Variants in DNAJC13 observed in about 807,000 individuals in gnomAD.
DNAJC13 encodes DnaJ heat shock protein family (Hsp40) member C13.
Under a neutral mutation model 290.5 loss-of-function variants are expected in DNAJC13, and 75 were observed. That is an observed-to-expected ratio of 0.26 (90% confidence interval 0.21 to 0.31). DNAJC13 has a LOEUF of 0.31. DNAJC13 is among the 10% of genes least tolerant of loss of function. DNAJC13 has a pLI of 1.00. For synonymous variants in DNAJC13, 862 were observed against 892.0 expected (o/e 0.97, Z 0.60); for missense variants, 2,260 against 2,674.5 (o/e 0.85, Z 3.42).
Position 132,503,124 on chromosome 3 carries a change from A to G in DNAJC13, c.4717-90A>G, listed in dbSNP as rs187123929. The G allele has an allele frequency of 2.7e-3, 3,697 of 1,363,434 alleles. 9 individuals are homozygous for G. Among genetic ancestry groups the G allele is most frequent in the Non-Finnish European group, 3.5e-3 (3,484 of 1,003,820 alleles). The allele number at this position is 1,363,434 out of a possible 1,614,324, so 84.5% of individuals were successfully genotyped here. A position where few individuals can be genotyped will look rare whatever the true frequency, so the allele number is the denominator to read the frequency against. ...TTGGTTGACTTTTTACTCCTTAAAT[A>G]TGTTCCATATAGTGTGATTCTGTAA... On this transcript the variant is annotated intron_variant, in intron 40 of 55. Coordinates refer to ENST00000260818, the MANE Select transcript of DNAJC13 (RefSeq NM_015268.4).
Position 132,515,607 on chromosome 3 carries a change from G to A in DNAJC13, c.5486-815G>A, listed in dbSNP as rs142879565. Among the ~76,000 whole-genome samples, 1,072 of 152,138 alleles carry A rather than the reference G, an allele frequency of 7.0e-3. 10 individuals are homozygous for A. Among genetic ancestry groups the A allele is most frequent in the African/African-American group, 0.024 (1,013 of 41,516 alleles). On this transcript the variant is annotated intron_variant, in intron 46 of 55. Coordinates refer to ENST00000260818, the MANE Select transcript of DNAJC13 (RefSeq NM_015268.4). ...CTTCAAACAATGTAAAACTAAACTG[G>A]TTGGTGAAGTAAAGGATGTTATGGA...
intron 5 of DNAJC13, among the ~76,000 whole-genome samples, chr3:132,449,871 T>A (rs564983010): frequency 6.6e-6 from 1 of 152,196 alleles, no homozygotes. Context: ...GTTATCCTTA[T>A]TTTCTCTTTG....
intron 22 of DNAJC13, among the ~76,000 whole-genome samples, chr3:132,477,388 TG>T (rs1434758458): frequency 6.6e-6 from 1 of 152,210 alleles, no homozygotes; most frequent in African/African-American, 2.4e-5. Flanking sequence ...AAAAGGTAGT[TG>T]ATGTGTTGGT....
intron 36 of DNAJC13, 41 bp from the exon 37 acceptor site, chr3:132,499,085 T>C: frequency 6.7e-7 from 1 of 1,482,888 alleles, no homozygotes; most frequent in Non-Finnish European, 9.1e-7. Context: ...ACATAATCAA[T>C]TTTGTTTTGT....
In DNAJC13 at chr3:132,505,391, C is replaced by T. The variant is rs1487661632; in HGVS notation, c.4974C>T (p.Ser1658=). 2 of 1,597,730 alleles carry T rather than the reference C, an allele frequency of 1.3e-6. No individual in the cohort carries two copies. Among genetic ancestry groups the T allele is most frequent in the Non-Finnish European group, 1.7e-6 (2 of 1,167,694 alleles). Residue 1658 remains serine (S), a synonymous_variant, in exon 42 of 56, where the codon TCC becomes TCT. Coordinates refer to ENST00000260818, the MANE Select transcript of DNAJC13 (RefSeq NM_015268.4). ...CAGAATTACTTGAATTTCTTGAATC[C>T]CAACAAGAAAACATGATTAAAAAAG... ...TRAELLEFLE[S]QQENMIKKGD...
intron 29 of DNAJC13, among the ~76,000 whole-genome samples, chr3:132,485,453 T>C (rs1411203790): frequency 6.6e-6 from 1 of 152,236 alleles, no homozygotes; most frequent in Non-Finnish European, 1.5e-5. Flanking sequence ...TCACTTACTC[T>C]TGAGTTGCTG....
chr3:132,478,146 G>C lies in DNAJC13; in HGVS notation c.2709+6G>C, dbSNP rs375278111. On this transcript the variant is annotated splice_donor_region_variant and intron_variant, in intron 24 of 55. Coordinates refer to ENST00000260818, the MANE Select transcript of DNAJC13 (RefSeq NM_015268.4). ...TCATTGGAATGTTAGAGAGGGTAAG[G>C]ATATCATTTAAGGAAATTACTATTT... 28 of 1,592,494 alleles carry C rather than the reference G, an allele frequency of 1.8e-5. No homozygotes were observed. In the African/African-American group the frequency reaches 3.4e-4, roughly 19 times the overall value.
chr3:132,506,419 T>C (rs1935590617), intron 42 of DNAJC13, among the ~76,000 whole-genome samples: 1 of 151,912 alleles, frequency 6.6e-6, no homozygotes, highest in African/African-American at 2.4e-5. Context: ...TATAATTTAT[T>C]CTATACTTTT....
chr3:132,488,666 T>C (rs1300340919), intron 30 of DNAJC13, among the ~76,000 whole-genome samples: 1 of 152,176 alleles, frequency 6.6e-6, no homozygotes, highest in African/African-American at 2.4e-5. Flanking sequence ...GAATGTATTA[T>C]CTAGTATTTA....
intron 41 of DNAJC13, 65 bp downstream of exon 41, chr3:132,503,446 G>A: frequency 6.4e-7 from 1 of 1,563,774 alleles, no homozygotes; most frequent in Non-Finnish European, 8.7e-7. Flanking sequence ...CAGTAAAGTA[G>A]TACAATAATA....
intron 9 of DNAJC13, among the ~76,000 whole-genome samples, 157 bp downstream of exon 9, chr3:132,454,314 A>ATTTTTTTTTTTTTTTTTT: frequency 1.2e-5 from 1 of 86,122 alleles, no homozygotes; most frequent in Non-Finnish European, 2.1e-5. Flanking sequence ...CCCATTTTCA[A>ATTTTTTTTTTTTTTTTTT]TTTTTTTTTT....
At chr3:132,423,147 T>G (rs1367929785) in intron 1 of DNAJC13, among the ~76,000 whole-genome samples, 1 of 152,038 alleles carries the variant, frequency 6.6e-6, no homozygotes, top group African/African-American at 2.4e-5. Flanking sequence ...ATGAAATAAC[T>G]AGCTGGCTGT....
chr3:132,482,853 C>G (rs1267272153), intron 27 of DNAJC13, among the ~76,000 whole-genome samples: 1 of 150,842 alleles, frequency 6.6e-6, no homozygotes, highest in East Asian at 1.9e-4. Flanking sequence ...ATAGCGAGAC[C>G]CTATCTCCAA....
chr3:132,528,361 A>G, intron 54 of DNAJC13, 29 bp downstream of exon 54: 2 of 1,611,570 alleles, frequency 1.2e-6, no homozygotes, highest in Non-Finnish European at 8.5e-7. Flanking sequence ...AACTTTTGAT[A>G]TTCTAAAAGC....
At position 132,450,704 on chromosome 3, in the gene DNAJC13, G is replaced by T. The variant is rs771261509; in HGVS notation, c.394G>T (p.Val132Leu). 4 of 1,613,282 alleles carry T rather than the reference G, an allele frequency of 2.5e-6. No individual in the cohort carries two copies. Among genetic ancestry groups the T allele is most frequent in the Admixed American group, 1.7e-5 (1 of 59,976 alleles). ...CTCAAGAAAACCTGTAATTTTGGAAGTAACTCCAGGAGGCTTTGACCAAAT... is the reference window on the plus strand; with the variant it reads ...CTCAAGAAAACCTGTAATTTTGGAATTAACTCCAGGAGGCTTTGACCAAAT... ...SDSRKPVILE[V>L]TPGGFDQINP... The change falls in exon 6 of 56, where the codon GTA (valine) becomes TTA (leucine). Residue 132 changes from valine (V) to leucine (L), a missense_variant. Coordinates refer to ENST00000260818, the MANE Select transcript of DNAJC13 (RefSeq NM_015268.4).
intron 41 of DNAJC13, 77 bp from the exon 42 acceptor site, chr3:132,505,225 A>G: frequency 1.1e-6 from 1 of 878,430 alleles, no homozygotes; most frequent in Non-Finnish European, 1.8e-6. Context: ...TTTGGCCTAT[A>G]ATAGACATTT....
intron 1 of DNAJC13, 59 bp downstream of exon 1, chr3:132,417,819 T>TG (rs1399544339): frequency 1.3e-5 from 2 of 152,856 alleles, no homozygotes; most frequent in South Asian, 2.1e-4. Flanking sequence ...TCCCACGCCG[T>TG]GGGGACTTTG....
rs756322986 is a variant in DNAJC13 at position 132,494,096 on chromosome 3, T to C, written c.3826-48T>C. On this transcript the variant is annotated intron_variant, in intron 33 of 55. Transcript: ENST00000260818. Reference sequence around the variant, plus strand: ...TAATTCTATAACTTAAAAATTATACTCTGAAATAGTTTTACTTTGATATAA... The same window carrying C: ...TAATTCTATAACTTAAAAATTATACCCTGAAATAGTTTTACTTTGATATAA... The C allele has an allele frequency of 1.4e-5, 18 of 1,244,824 alleles. No individual in the cohort carries two copies. The South Asian group carries it at 2.4e-4, about 17-fold the overall frequency. The allele number at this position is 1,244,824 out of a possible 1,614,324, so 77.1% of individuals were successfully genotyped here.
Position 132,460,272 on chromosome 3 carries a change from TAAGAC to T in DNAJC13, c.1477_1481del (p.Gln493ThrfsTer22). ...TAGCCCATGCATGATGACTATGACT[TAAGAC>T]AAGAACAGTTGAACAAAGCTTCTCT... On this transcript the variant is annotated frameshift_variant, in exon 14 of 56. Transcript: ENST00000260818. LOFTEE classifies it high-confidence loss of function. The T allele has an allele frequency of 6.8e-6, 11 of 1,611,054 alleles. No individual in the cohort carries two copies. Among genetic ancestry groups the T allele is most frequent in the Non-Finnish European group, 9.3e-6 (11 of 1,178,134 alleles).
Sources: allele counts gnomAD v4.1 joint callset (sites outside exome capture counted in the v4.1 genomes callset), GRCh38; gene constraint gnomAD v4.1.1; transcripts MANE v1.5; gene names NCBI Gene and HGNC (gene_info 2026-07-23, HGNC 2026-07-21).